Variants in MAP3K7 observed in about 807,000 individuals in gnomAD.
MAP3K7 encodes the protein mitogen-activated protein kinase kinase kinase 7.
A neutral mutation model predicts 84.8 loss-of-function variants in MAP3K7; 21 were observed. That is an observed-to-expected ratio of 0.25 (90% confidence interval 0.18 to 0.36). The LOEUF (loss-of-function observed/expected upper bound fraction) is 0.36. Ranked by LOEUF, MAP3K7 falls within the 10% of genes least tolerant of loss-of-function variation. The probability of loss-of-function intolerance (pLI) is 1.00; values close to 1 mark genes in which losing one functional copy is unlikely to be tolerated. For missense variants in MAP3K7, 503 were observed against 747.7 expected (o/e 0.67, Z 3.82); for synonymous variants, 241 against 247.7 (o/e 0.97, Z 0.25).
At chr6:90,582,175 C>G (rs781166396) in intron 1 of MAP3K7, among the ~76,000 whole-genome samples, 1 of 152,068 alleles carries the variant, frequency 6.6e-6, no homozygotes, top group Non-Finnish European at 1.5e-5. Flanking sequence ...ATTTTTTATC[C>G]CTGCTAAACA....
intron 1 of MAP3K7, among the ~76,000 whole-genome samples, chr6:90,579,165 G>A (rs927331624): frequency 2.6e-5 from 4 of 152,186 alleles, no homozygotes; most frequent in Non-Finnish European, 5.9e-5. Context: ...CAGCAAGTAT[G>A]ATAACTAACA....
intron 1 of MAP3K7, among the ~76,000 whole-genome samples, chr6:90,573,151 A>G (rs1441411946): frequency 2.6e-5 from 4 of 152,324 alleles, no homozygotes; most frequent in Admixed American, 1.3e-4. Flanking sequence ...AACTTGCCCA[A>G]GGCTATATAG....
intron 12 of MAP3K7, among the ~76,000 whole-genome samples, chr6:90,541,481 G>A (rs1775854015): frequency 6.6e-6 from 1 of 151,966 alleles, no homozygotes; most frequent in African/African-American, 2.4e-5. Flanking sequence ...GTCTTCCTTG[G>A]TAAAAAGGAG....
chr6:90,524,313 G>A (rs1775251199), intron 13 of MAP3K7, among the ~76,000 whole-genome samples: 1 of 152,140 alleles, frequency 6.6e-6, no homozygotes, highest in Non-Finnish European at 1.5e-5. Flanking sequence ...CTGGGTGGAA[G>A]GGAGAAATGT....
chr6:90,562,645 G>A (rs187971312), intron 3 of MAP3K7, among the ~76,000 whole-genome samples: 15 of 152,210 alleles, frequency 9.9e-5, no homozygotes, highest in Non-Finnish European at 1.8e-4. Flanking sequence ...CCACCTCTGG[G>A]GGCAGGGCAT....
At chr6:90,519,584 C>T (rs1775081958) in intron 14 of MAP3K7, among the ~76,000 whole-genome samples, 1 of 151,918 alleles carries the variant, frequency 6.6e-6, no homozygotes, top group Non-Finnish European at 1.5e-5. Context: ...TATATTAGAG[C>T]TTCTAAGCTC....
At chr6:90,539,309 A>AT in intron 12 of MAP3K7, among the ~76,000 whole-genome samples, 1 of 151,920 alleles carries the variant, frequency 6.6e-6, no homozygotes, top group Non-Finnish European at 1.5e-5. Flanking sequence ...AATATGGCAG[A>AT]AAGGCCACCT....
At chr6:90,550,144 T>C (rs1468469134) in intron 9 of MAP3K7, among the ~76,000 whole-genome samples, 1 of 152,150 alleles carries the variant, frequency 6.6e-6, no homozygotes, top group Non-Finnish European at 1.5e-5. Context: ...TTTACAATAA[T>C]TTCTAATACT....
chr6:90,531,929 C>A (rs1176696759), intron 13 of MAP3K7, among the ~76,000 whole-genome samples: 2 of 150,082 alleles, frequency 1.3e-5, no homozygotes, highest in African/African-American at 4.9e-5. Context: ...GCACTCCAGC[C>A]TGGCTGACAG....
rs532673899 is a variant in MAP3K7, at chr6:90,550,784, C to T, written c.868-235G>A. On this transcript the variant is annotated intron_variant, in intron 8 of 16. Coordinates refer to ENST00000369329, the MANE Select transcript of MAP3K7 (RefSeq NM_145331.3). ...GTCTTGAAGAAAACAGCAAATATTT[C>T]TCTAGAGAAACATATGAAATAAAAT... 1.2e-4 allele frequency: 44 copies of T among 356,734 alleles called. No individual in the cohort carries two copies. In the South Asian group the frequency reaches 1.7e-3, roughly 14 times the overall value. 22.1% of individuals were successfully genotyped at this position (356,734 alleles called of 1,614,324 possible).
Position 90,516,345 on chromosome 6 carries a change from G to C in MAP3K7, c.*156C>G. 2 of 718,990 alleles carry C rather than the reference G, an allele frequency of 2.8e-6. No homozygotes were observed. Among genetic ancestry groups the C allele is most frequent in the Non-Finnish European group, 4.7e-6 (2 of 427,616 alleles). The allele number at this position is 718,990 out of a possible 1,614,324, so 44.5% of individuals were successfully genotyped here. A position where few individuals can be genotyped will look rare whatever the true frequency, so the allele number is the denominator to read the frequency against. On this transcript the variant is annotated 3_prime_UTR_variant, in exon 17 of 17. Transcript: ENST00000369329. ...AAATTGTATGTCCACCATGAGAAAA[G>C]GAAAATAAACAATGAAAAAAATGCA...
At chr6:90,559,618 T>C (rs998022111) in intron 5 of MAP3K7, among the ~76,000 whole-genome samples, 1 of 152,182 alleles carries the variant, frequency 6.6e-6, no homozygotes, top group Admixed American at 6.5e-5. Flanking sequence ...ATATTTTCAA[T>C]TTCTACCCAG....
In MAP3K7 at chr6:90,548,143, A is replaced by G. The variant is rs1776064113; in HGVS notation, c.984T>C (p.Ser328=). Residue 328 remains serine (S), a synonymous_variant, in exon 10 of 17, where the codon AGT becomes AGC. Transcript: ENST00000369329. ...GCTCCATATTAGTGTCACTTTTGTT[A>G]CTCGTATTTGTAGAAGCAATGTCCA... The part of the protein sequence containing the change: ...SFMDIASTNT[S]NKSDTNMEQV... 2 of 1,611,826 alleles carry G rather than the reference A, an allele frequency of 1.2e-6. No individual in the cohort carries two copies. The highest frequency in any genetic ancestry group is 1.7e-6 in the Non-Finnish European group (2 of 1,178,900).
chr6:90,574,130 T>C (rs1046580744), intron 1 of MAP3K7, among the ~76,000 whole-genome samples: 4 of 152,208 alleles, frequency 2.6e-5, no homozygotes, highest in African/African-American at 7.2e-5. Flanking sequence ...AGCAGTAAAA[T>C]AGAAGTGCTG....
chr6:90,531,917 C>T lies in MAP3K7; in HGVS notation c.1356+4420G>A, dbSNP rs1002547968. 2.7e-5 allele frequency among the ~76,000 whole-genome samples: 4 copies of T among 149,832 alleles called. No individual in the cohort carries two copies. In the South Asian group the frequency reaches 6.3e-4, roughly 24 times the overall value. ...GTTGCAATGAGCGGAGATCACACTA[C>T]TGCACTCCAGCCTGGCTGACAGCGG... On this transcript the variant is annotated intron_variant, in intron 13 of 16. Transcript: ENST00000369329.
rs1051944258 is a variant in MAP3K7, at chr6:90,587,024, G to A, written c.-141C>T. 3 of 1,047,576 alleles carry A rather than the reference G, an allele frequency of 2.9e-6. No homozygotes were observed. The highest frequency in any genetic ancestry group is 3.9e-6 in the Non-Finnish European group (3 of 776,966). The allele number at this position is 1,047,576 out of a possible 1,614,324, so 64.9% of individuals were successfully genotyped here. A position where few individuals can be genotyped will look rare whatever the true frequency, so the allele number is the denominator to read the frequency against. ...CCCGGCGATCCGTGGCGGGGGTAGA[G>A]GCAGCGGCCACAGCCGTGTCCGGCT... On this transcript the variant is annotated 5_prime_UTR_variant, in exon 1 of 17. Transcript: ENST00000369329.
rs1008332671 is a variant in MAP3K7, at chr6:90,514,528, T to C, written c.*1973A>G. 6 of 121,182 alleles carry C rather than the reference T, an allele frequency of 5.0e-5. No homozygotes were observed. The highest frequency in any genetic ancestry group is 1.6e-4 in the African/African-American group (5 of 30,650). The allele number at this position is 121,182 out of a possible 1,614,324, so 7.5% of individuals were successfully genotyped here. ...TGGATATTTTTATGAAATGACTACA[T>C]GTAAAAACCATAATAAAATTTCCCT... is the stretch of plus-strand genomic sequence containing the variant. On this transcript the variant is annotated 3_prime_UTR_variant, in exon 17 of 17. Transcript: ENST00000369329.
chr6:90,554,964 A>G (rs1776289822), intron 6 of MAP3K7, among the ~76,000 whole-genome samples: 1 of 152,196 alleles, frequency 6.6e-6, no homozygotes, highest in African/African-American at 2.4e-5. Flanking sequence ...AACAAACAGA[A>G]AACCCTTTAA....
At chr6:90,528,733 G>A (rs1420043298) in intron 13 of MAP3K7, among the ~76,000 whole-genome samples, 1 of 152,100 alleles carries the variant, frequency 6.6e-6, no homozygotes, top group Non-Finnish European at 1.5e-5. Flanking sequence ...ATTCCCTCAA[G>A]CATTTATCCT....
Sources: allele counts gnomAD v4.1 joint callset (sites outside exome capture counted in the v4.1 genomes callset), GRCh38; gene constraint gnomAD v4.1.1; transcripts MANE v1.5; gene names NCBI Gene and HGNC (gene_info 2026-07-23, HGNC 2026-07-21).